The following MECOM variants were observed in gnomAD, a reference collection of about 807,000 sequenced individuals.
MECOM encodes the protein histone-lysine N-methyltransferase MECOM.
A neutral mutation model predicts 116.3 loss-of-function variants in MECOM; 13 were observed. The observed-to-expected ratio is 0.11, with a 90% confidence interval of 0.07 to 0.18. The LOEUF is 0.18. Among genes scored for constraint, MECOM ranks in the 10% least tolerant of loss-of-function variants. MECOM has a pLI of 1.00. For missense variants in MECOM, 1,299 were observed against 1,509.0 expected (o/e 0.86, Z 2.31); for synonymous variants, 528 against 535.2 (o/e 0.99, Z 0.19).
At chr3:169,223,236 G>A (rs893474486) in intron 2 of MECOM, among the ~76,000 whole-genome samples, 10 of 150,178 alleles carry the variant, frequency 6.7e-5, no homozygotes, top group East Asian at 2.0e-4. Flanking sequence ...CCGTTGACTC[G>A]TCATTTACAT....
At chr3:169,365,728 G>T (rs901088639) in intron 2 of MECOM, among the ~76,000 whole-genome samples, 1 of 151,990 alleles carries the variant, frequency 6.6e-6, no homozygotes, top group African/African-American at 2.4e-5. Context: ...AGGTGTGGGA[G>T]TCCAGAGGGA....
At chr3:169,100,816 TTTA>T (rs1723328364) in intron 12 of MECOM, 66 bp downstream of exon 12, 4 of 880,524 alleles carry the variant, frequency 4.5e-6, no homozygotes, top group East Asian at 4.0e-5. Flanking sequence ...TAATTATTAT[TTTA>T]TTATTAAAAT....
chr3:169,368,649 T>C (rs1729580542), intron 2 of MECOM, among the ~76,000 whole-genome samples: 1 of 152,050 alleles, frequency 6.6e-6, no homozygotes, highest in Non-Finnish European at 1.5e-5. Context: ...TCTTAATTTA[T>C]CCTCAAGGAA....
In MECOM at chr3:169,427,952, G is replaced by C. The variant is rs578021487; in HGVS notation, c.38-46428C>G. Among the ~76,000 whole-genome samples the C allele has an allele frequency of 2.0e-5, 3 of 152,272 alleles. No homozygotes were observed. The South Asian group carries it at 6.2e-4, about 32-fold the overall frequency. On this transcript the variant is annotated intron_variant, in intron 1 of 16. Transcript: ENST00000651503. ...ATTAAGTTAAAATGAAGTCACTAAG[G>C]TAGGCTCTAGTCCAATATGACTGGT...
intron 2 of MECOM, among the ~76,000 whole-genome samples, chr3:169,219,705 A>G (rs1419986824): frequency 6.6e-6 from 1 of 151,732 alleles, no homozygotes; most frequent in East Asian, 1.9e-4. Flanking sequence ...TCACACTTGC[A>G]TGCCCAAATC....
At chr3:169,258,771 A>G (rs1757180107) in intron 2 of MECOM, among the ~76,000 whole-genome samples, 1 of 152,222 alleles carries the variant, frequency 6.6e-6, no homozygotes, top group South Asian at 2.1e-4. Flanking sequence ...TGTTACAAAC[A>G]TTTTAAGTAC....
Position 169,263,122 on chromosome 3 carries a change from TATATA to T in MECOM, c.375+118060_375+118064del, listed in dbSNP as rs1345602913. Among the ~76,000 whole-genome samples the T allele has an allele frequency of 7.2e-3, 534 of 73,716 alleles. 30 individuals are homozygous for T. The highest frequency in any genetic ancestry group is 0.03 in the African/African-American group (430 of 14,434). The allele number at this position is 73,716 out of a possible 152,430, so 48.4% of individuals were successfully genotyped here. On this transcript the variant is annotated intron_variant, in intron 2 of 16. Coordinates refer to ENST00000651503, the MANE Select transcript of MECOM (RefSeq NM_004991.4). ...ATATATATATATATATATATATATA[TATATA>T]TGTTTTTTTTTTTTTTTTTGAGACA...
intron 1 of MECOM, among the ~76,000 whole-genome samples, chr3:169,417,441 T>TA (rs992352510): frequency 1.3e-4 from 20 of 152,112 alleles, no homozygotes; most frequent in Admixed American, 1.3e-4. Flanking sequence ...TGGCAATCAT[T>TA]AAAAAATCAG....
chr3:169,414,932 G>T (rs1738275757), intron 1 of MECOM, among the ~76,000 whole-genome samples: 1 of 152,200 alleles, frequency 6.6e-6, no homozygotes, highest in African/African-American at 2.4e-5. Context: ...AATGACAGGA[G>T]AATGGAACCA....
At chr3:169,235,844 G>A (rs1412498395) in intron 2 of MECOM, among the ~76,000 whole-genome samples, 1 of 149,308 alleles carries the variant, frequency 6.7e-6, no homozygotes, top group Admixed American at 6.7e-5. Context: ...CCAAATCATA[G>A]GTCCTGGAAT....
At chr3:169,091,596 T>C (rs1191181301) in intron 14 of MECOM, among the ~76,000 whole-genome samples, 1 of 152,184 alleles carries the variant, frequency 6.6e-6, no homozygotes, top group Admixed American at 6.6e-5. Context: ...TCTGATCATC[T>C]GCTTCCTCTC....
At chr3:169,378,170 CA>C in intron 2 of MECOM, among the ~76,000 whole-genome samples, 1 of 150,586 alleles carries the variant, frequency 6.6e-6, no homozygotes, top group Non-Finnish European at 1.5e-5. Flanking sequence ...CAGAGCCTGT[CA>C]GGGGGTGGGG....
intron 1 of MECOM, among the ~76,000 whole-genome samples, chr3:169,516,906 A>G (rs982120907): frequency 1.3e-5 from 2 of 152,222 alleles, no homozygotes; most frequent in Non-Finnish European, 2.9e-5. Context: ...CTAAGCAACG[A>G]CAATAAATAT....
intron 2 of MECOM, among the ~76,000 whole-genome samples, chr3:169,301,502 T>C (rs1716710156): frequency 6.6e-6 from 1 of 152,218 alleles, no homozygotes; most frequent in South Asian, 2.1e-4. Flanking sequence ...ATGATTTTAC[T>C]TTTTCAACAC....
intron 2 of MECOM, among the ~76,000 whole-genome samples, chr3:169,215,999 C>T (rs1751379783): frequency 6.6e-6 from 1 of 152,228 alleles, no homozygotes; most frequent in Admixed American, 6.5e-5. Context: ...CATGTTTTCT[C>T]ACAACCCAGA....
intron 1 of MECOM, chr3:169,389,649 A>C: frequency 2.1e-6 from 2 of 935,002 alleles, no homozygotes; most frequent in Non-Finnish European, 2.6e-6. Flanking sequence ...AACCGTCCTG[A>C]ATTCATGCTG....
At chr3:169,591,541 C>G (rs1766410911) in intron 1 of MECOM, among the ~76,000 whole-genome samples, 1 of 152,158 alleles carries the variant, frequency 6.6e-6, no homozygotes, top group Non-Finnish European at 1.5e-5. Context: ...CACCCACATA[C>G]TTGTAAGACA....
At chr3:169,310,559 G>T (rs1718557488) in intron 2 of MECOM, among the ~76,000 whole-genome samples, 1 of 152,176 alleles carries the variant, frequency 6.6e-6, no homozygotes, top group Non-Finnish European at 1.5e-5. Flanking sequence ...GCAAGGTTTT[G>T]GTTGTTTGCT....
intron 1 of MECOM, among the ~76,000 whole-genome samples, chr3:169,550,263 C>A (rs16854074): frequency 0.072 from 10,955 of 152,260 alleles, 838 homozygotes; most frequent in African/African-American, 0.19. Context: ...CAAGATACCC[C>A]ATTCACATCC....
Sources: gnomAD v4.1 joint callset for allele counts (sites outside exome capture counted in the v4.1 genomes callset) on GRCh38, gnomAD v4.1.1 for gene constraint, MANE v1.5 for transcripts, NCBI Gene and HGNC (gene_info 2026-07-23, HGNC 2026-07-21) for gene names.